The following HPSE2 variants were observed in gnomAD, a reference collection of about 807,000 sequenced individuals.
HPSE2 encodes inactive heparanase-2.
A neutral mutation model predicts 60.5 loss-of-function variants in HPSE2; 38 were observed. The observed-to-expected ratio is 0.63, with a 90% CI of 0.48 to 0.82. The LOEUF is 0.82. HPSE2 is among the 40% of genes least tolerant of loss of function. The probability of loss-of-function intolerance (pLI) is 0.00; values close to 1 mark genes in which losing one functional copy is unlikely to be tolerated. For synonymous variants in HPSE2, 295 were observed against 293.2 expected, an observed-to-expected ratio of 1.01 and a Z score of -0.06; for missense variants, 713 against 740.4, an observed-to-expected ratio of 0.96 and a Z score of 0.43.
At chr10:99,101,349 A>G (rs1262463330) in intron 3 of HPSE2, among the ~76,000 whole-genome samples, 4 of 152,240 alleles carry the variant, frequency 2.6e-5, no homozygotes, top group Non-Finnish European at 5.9e-5. Context: ...CTAGTCTCTC[A>G]TAAAACAGAC....
rs932190777 is a variant in HPSE2 at position 98,915,002 on chromosome 10, C to A, written c.611-170946G>T. Among the ~76,000 whole-genome samples, 5 of 150,928 alleles carry A rather than the reference C, an allele frequency of 3.3e-5. No individual in the cohort carries two copies. The East Asian group carries it at 7.8e-4, about 24-fold the overall frequency. On this transcript the variant is annotated intron_variant, in intron 3 of 11. Coordinates refer to ENST00000370552, the MANE Select transcript of HPSE2 (RefSeq NM_021828.5). ...TCTCAACCATTTAGAAAGTCATATGCACTGAAAAAAAAAACCACTGGAAGG... is the reference window on the plus strand; with the variant it reads ...TCTCAACCATTTAGAAAGTCATATGAACTGAAAAAAAAAACCACTGGAAGG...
At chr10:99,028,331 G>A (rs1283608891) in intron 3 of HPSE2, among the ~76,000 whole-genome samples, 1 of 151,994 alleles carries the variant, frequency 6.6e-6, no homozygotes, top group Non-Finnish European at 1.5e-5. Context: ...AAAATGAGTA[G>A]TATTTTCTAT....
At chr10:98,583,033 G>C (rs1027567616) in intron 9 of HPSE2, among the ~76,000 whole-genome samples, 4 of 152,068 alleles carry the variant, frequency 2.6e-5, no homozygotes, top group African/African-American at 9.7e-5. Flanking sequence ...GAAGACTAGG[G>C]GGGCATAGGG....
chr10:98,990,330 T>C (rs774015703), intron 3 of HPSE2, among the ~76,000 whole-genome samples: 7 of 152,214 alleles, frequency 4.6e-5, no homozygotes, highest in Non-Finnish European at 8.8e-5. Flanking sequence ...CATCAAGCAT[T>C]AGATTCTCAT....
At chr10:99,237,188 G>A (rs1849880464), upstream of HPSE2, among the ~76,000 whole-genome samples, 1 of 152,126 alleles carries the variant, frequency 6.6e-6, no homozygotes, top group African/African-American at 2.4e-5. Context: ...CCCCACTTTC[G>A]GCTTCTTTCT....
intron 9 of HPSE2, among the ~76,000 whole-genome samples, chr10:98,579,887 A>T (rs1338105858): frequency 2.0e-5 from 3 of 151,970 alleles, no homozygotes; most frequent in Non-Finnish European, 4.4e-5. Flanking sequence ...TCAAATTGCC[A>T]TTTTCTGCCC....
intron 3 of HPSE2, among the ~76,000 whole-genome samples, chr10:98,948,244 A>G (rs1955247919): frequency 6.6e-6 from 1 of 152,224 alleles, no homozygotes. Context: ...ATGACTTCAC[A>G]GGATTTATAA....
At chr10:99,006,691 G>C (rs1282986543) in intron 3 of HPSE2, among the ~76,000 whole-genome samples, 1 of 152,150 alleles carries the variant, frequency 6.6e-6, no homozygotes, top group Non-Finnish European at 1.5e-5. Flanking sequence ...ATGCAGGGTT[G>C]AACCTACAGC....
intron 3 of HPSE2, among the ~76,000 whole-genome samples, chr10:98,978,628 T>C (rs1013030041): frequency 6.6e-6 from 1 of 152,186 alleles, no homozygotes; most frequent in Non-Finnish European, 1.5e-5. Context: ...AAATTTTCTT[T>C]ACGTAGGTAT....
At chr10:99,127,393 G>A (rs1177473335) in intron 3 of HPSE2, among the ~76,000 whole-genome samples, 1 of 152,098 alleles carries the variant, frequency 6.6e-6, no homozygotes, top group East Asian at 1.9e-4. Flanking sequence ...GTAGAAGAAA[G>A]AACTTCAGAG....
intron 3 of HPSE2, among the ~76,000 whole-genome samples, chr10:98,853,546 C>T (rs964082916): frequency 3.3e-5 from 5 of 151,944 alleles, no homozygotes; most frequent in Non-Finnish European, 5.9e-5. Context: ...GTCCCTTTTC[C>T]GCACATATCA....
intron 2 of HPSE2, among the ~76,000 whole-genome samples, chr10:99,227,951 C>A (rs1849529058): frequency 6.8e-6 from 1 of 147,560 alleles, no homozygotes. Flanking sequence ...CAGAAGGAGC[C>A]AAAAGAAAAG....
the HPSE2 span, among the ~76,000 whole-genome samples, chr10:99,281,908 G>A: frequency 1.3e-5 from 2 of 152,052 alleles, no homozygotes; most frequent in African/African-American, 4.8e-5. Flanking sequence ...GTAACCAAAA[G>A]AGAGCTGAGT....
chr10:99,104,606 T>C (rs967052575), intron 3 of HPSE2, among the ~76,000 whole-genome samples: 1 of 152,140 alleles, frequency 6.6e-6, no homozygotes, highest in Non-Finnish European at 1.5e-5. Flanking sequence ...TAAAGACACA[T>C]GCATATGTTT....
chr10:98,482,601 A>G, intron 11 of HPSE2, 35 bp downstream of exon 11: 1 of 1,613,690 alleles, frequency 6.2e-7, no homozygotes, highest in South Asian at 1.1e-5. Flanking sequence ...CTCCTGCTGC[A>G]CTTGCTCCCG....
intron 3 of HPSE2, among the ~76,000 whole-genome samples, chr10:98,898,937 G>A (rs1334035336): frequency 6.6e-6 from 1 of 152,160 alleles, no homozygotes; most frequent in East Asian, 1.9e-4. Context: ...ATATGTCCAT[G>A]TATAAAACAG....
chr10:98,968,575 G>A (rs1955872644), intron 3 of HPSE2, among the ~76,000 whole-genome samples: 1 of 152,118 alleles, frequency 6.6e-6, no homozygotes, highest in South Asian at 2.1e-4. Flanking sequence ...GCACACAATT[G>A]CAAAAATACG....
intron 6 of HPSE2, among the ~76,000 whole-genome samples, chr10:98,653,922 T>C (rs1483477443): frequency 2.0e-5 from 3 of 152,066 alleles, no homozygotes; most frequent in Admixed American, 1.3e-4. Context: ...AGTTTTTGTT[T>C]GTCTGAGAAA....
intron 3 of HPSE2, among the ~76,000 whole-genome samples, chr10:99,097,403 T>G (rs1268988165): frequency 6.6e-6 from 1 of 152,212 alleles, no homozygotes; most frequent in African/African-American, 2.4e-5. Flanking sequence ...TTAAAAAATT[T>G]TATGTATTTA....
Sources: gnomAD v4.1 joint callset for allele counts (sites outside exome capture counted in the v4.1 genomes callset) on GRCh38, gnomAD v4.1.1 for gene constraint, MANE v1.5 for transcripts, NCBI Gene and HGNC (gene_info 2026-07-23, HGNC 2026-07-21) for gene names.